Variants in MYH10 observed in about 807,000 individuals in gnomAD.
MYH10 encodes myosin heavy chain 10.
A neutral mutation model predicts 257.8 loss-of-function variants in MYH10; 55 were observed. That is an observed-to-expected ratio of 0.21 (90% CI 0.17 to 0.27). The LOEUF is 0.27. Among genes scored for constraint, MYH10 ranks in the 10% least tolerant of loss-of-function variants. MYH10 has a pLI of 1.00. For missense variants in MYH10, 1,631 were observed against 2,500.6 expected (o/e 0.65, Z 7.42); for synonymous variants, 854 against 921.7 (o/e 0.93, Z 1.33).
chr17:8,577,408 T>C, intron 4 of MYH10, 70 bp from the exon 5 acceptor site: 1 of 804,146 alleles, frequency 1.2e-6, no homozygotes, highest in Non-Finnish European at 2.0e-6. Context: ...TTACAACTGA[T>C]AAAATTAAAT....
chr17:8,553,145 CAT>C (rs1251200746), intron 8 of MYH10, among the ~76,000 whole-genome samples: 1 of 152,226 alleles, frequency 6.6e-6, no homozygotes, highest in African/African-American at 2.4e-5. Flanking sequence ...AAGACACACT[CAT>C]ATGAATCATG....
chr17:8,489,707 A>ACACACACACACACACACAC (rs60724599), intron 35 of MYH10, among the ~76,000 whole-genome samples: 2 of 84,166 alleles, frequency 2.4e-5, no homozygotes, highest in African/African-American at 7.3e-5. Context: ...CCGTCTGAAA[A>ACACACACACACACACACAC]AACACACACA....
At chr17:8,558,345 T>C (rs754352339) in intron 7 of MYH10, among the ~76,000 whole-genome samples, 9 of 152,162 alleles carry the variant, frequency 5.9e-5, no homozygotes, top group South Asian at 2.1e-4. Flanking sequence ...ACAGAGGTGC[T>C]ATGGGAACAT....
At chr17:8,592,968 T>TATATATATATATAA (rs2084227557) in intron 3 of MYH10, among the ~76,000 whole-genome samples, 1 of 123,830 alleles carries the variant, frequency 8.1e-6, no homozygotes, top group Non-Finnish European at 1.7e-5. Context: ...TATATATATA[T>TATATATATATATAA]ATAAAAGATG....
rs201668761 is a variant in MYH10 at position 8,476,905 on chromosome 17, G to A, written c.5850C>T (p.Arg1950=). 20 of 1,611,806 alleles carry A rather than the reference G, an allele frequency of 1.2e-5. No homozygotes were observed. The East Asian group carries it at 1.3e-4, about 11-fold the overall frequency. The change falls in exon 42 of 43, where the codon CGC becomes CGT. Residue 1950 remains arginine (R), a synonymous_variant. Transcript: ENST00000360416. The part of the protein sequence containing the change: ...DATEANEGLS[R]EVSTLKNRLR... ...GCCGGTTCTTCAGGGTGCTGACCTC[G>A]CGGCTCAGGCCCTCGTTGGCCTCGG...
intron 3 of MYH10, among the ~76,000 whole-genome samples, chr17:8,590,473 C>T (rs1254729685): frequency 6.6e-6 from 1 of 151,926 alleles, no homozygotes; most frequent in Non-Finnish European, 1.5e-5. Context: ...CCACCATGCC[C>T]GGCTAATTTT....
intron 19 of MYH10, among the ~76,000 whole-genome samples, chr17:8,519,884 C>A (rs1216767710): frequency 1.9e-5 from 1 of 53,818 alleles, no homozygotes; most frequent in African/African-American, 6.2e-5. Flanking sequence ...AAAAATAACT[C>A]TCAACATATG....
rs143488645 is a variant in MYH10, at chr17:8,544,094, T to C, written c.1431+1354A>G. Among the ~76,000 whole-genome samples the C allele has an allele frequency of 6.1e-3, 931 of 152,350 alleles. 15 individuals carry two copies. Among genetic ancestry groups the C allele is most frequent in the African/African-American group, 0.02 (834 of 41,574 alleles). ...TATAAAGCCAGCCCATTCTTTATAATGGATGCATAGTATTCCACTGTATGG... is the reference window on the plus strand; with the variant it reads ...TATAAAGCCAGCCCATTCTTTATAACGGATGCATAGTATTCCACTGTATGG... On this transcript the variant is annotated intron_variant, in intron 13 of 42. Transcript: ENST00000360416.
intron 6 of MYH10, among the ~76,000 whole-genome samples, chr17:8,576,314 GT>G (rs879497234): frequency 3.9e-5 from 6 of 152,086 alleles, no homozygotes; most frequent in Non-Finnish European, 7.3e-5. Context: ...ACAAAGCTAG[GT>G]TTCCATGTGT....
chr17:8,561,232 G>C (rs2082982760), intron 7 of MYH10: 5 of 827,234 alleles, frequency 6.0e-6, no homozygotes, highest in South Asian at 4.0e-5. Context: ...CCTCCAAGAT[G>C]ACAAAGAAAA....
chr17:8,572,255 TGTGAGTGAGAGAGA>T (rs2083373050), intron 6 of MYH10, among the ~76,000 whole-genome samples: 3 of 101,642 alleles, frequency 3.0e-5, no homozygotes, highest in African/African-American at 9.0e-5. Context: ...TGTGTGTGTG[TGTGAGTGAGAGAGA>T]GAGAGAGAGA....
chr17:8,546,201 G>A (rs1250800513), intron 12 of MYH10, among the ~76,000 whole-genome samples: 2 of 151,810 alleles, frequency 1.3e-5, no homozygotes, highest in African/African-American at 4.8e-5. Flanking sequence ...TGGGACTACA[G>A]GCGCATGCCA....
At chr17:8,567,911 G>A (rs1292312466) in intron 7 of MYH10, among the ~76,000 whole-genome samples, 4 of 152,158 alleles carry the variant, frequency 2.6e-5, no homozygotes, top group African/African-American at 9.7e-5. Flanking sequence ...GTTAAAGATT[G>A]ATGAGAGCAC....
intron 21 of MYH10, among the ~76,000 whole-genome samples, chr17:8,515,939 T>C (rs961704740): frequency 6.6e-6 from 1 of 152,248 alleles, no homozygotes; most frequent in Non-Finnish European, 1.5e-5. Context: ...CTTCCAATTC[T>C]TGCAATCTCC....
chr17:8,580,919 A>T (rs1466929920), intron 4 of MYH10, among the ~76,000 whole-genome samples: 1 of 152,208 alleles, frequency 6.6e-6, no homozygotes, highest in African/African-American at 2.4e-5. Context: ...CTAAAAGGAA[A>T]AAGAGAAGGA....
chr17:8,502,125 A>G (rs1237436012), intron 28 of MYH10, among the ~76,000 whole-genome samples: 1 of 152,232 alleles, frequency 6.6e-6, no homozygotes, highest in East Asian at 1.9e-4. Flanking sequence ...GTCACAACTT[A>G]GAACAGTGAT....
rs1194412345 is a variant in MYH10 at position 8,504,859 on chromosome 17, C to T, written c.3434G>A (p.Arg1145Gln). Reference sequence around the variant, plus strand: ...TTCAGCAATTTGGGCTTGTAGCTCTCGCACAACTTTAAGGGCATTGTTCTT... The same window carrying T: ...TTCAGCAATTTGGGCTTGTAGCTCTTGCACAACTTTAAGGGCATTGTTCTT... ...LHKNNALKVV[R>Q]ELQAQIAELQ... Residue 1145 changes from arginine to glutamine, a missense_variant, in exon 28 of 43, where the codon CGA becomes CAA. Around this residue, in one of 11 missense-constraint regions of MYH10, gnomAD observed 169 missense variants for 249.8 expected, o/e 0.68. Coordinates refer to ENST00000360416, the MANE Select transcript of MYH10 (RefSeq NM_001256012.3). The surrounding 1 kb of genome is among the most constrained non-coding windows in gnomAD (Gnocchi z 5.6). 2.5e-6 allele frequency: 4 copies of T among 1,614,114 alleles called. No individual in the cohort carries two copies. Among genetic ancestry groups the T allele is most frequent in the African/African-American group, 1.3e-5 (1 of 74,928 alleles).
intron 35 of MYH10, among the ~76,000 whole-genome samples, chr17:8,489,856 G>A (rs1007888079): frequency 1.3e-5 from 2 of 152,150 alleles, no homozygotes; most frequent in African/African-American, 4.8e-5. Context: ...GCAGAAAAGT[G>A]TCTAATATAC....
intron 4 of MYH10, among the ~76,000 whole-genome samples, chr17:8,584,936 C>G (rs760096956): frequency 6.6e-6 from 1 of 151,990 alleles, no homozygotes; most frequent in Non-Finnish European, 1.5e-5. Flanking sequence ...CTCCGCCTCC[C>G]GGGTTCAAGC....
Sources: gnomAD v4.1 joint callset for allele counts (sites outside exome capture counted in the v4.1 genomes callset) on GRCh38, gnomAD v4.1.1 for gene constraint, gnomAD v4.1.1 regional missense constraint, Gnocchi (gnomAD v3.1) non-coding constraint, MANE v1.5 for transcripts, NCBI Gene and HGNC (gene_info 2026-07-23, HGNC 2026-07-21) for gene names.